WDR37: variants seen among roughly 807,000 people sequenced by gnomAD.
WDR37 encodes WD repeat domain 37.
Under a neutral mutation model 62.9 loss-of-function variants are expected in WDR37, and 19 were observed. The observed-to-expected ratio is 0.30, with a 90% CI of 0.21 to 0.44. The LOEUF is 0.44. WDR37 is among the 20% of genes least tolerant of loss of function. The probability of loss-of-function intolerance (pLI) is 1.00; values close to 1 mark genes in which losing one functional copy is unlikely to be tolerated. For synonymous variants in WDR37, 250 were observed against 260.9 expected (o/e 0.96, Z 0.40); for missense variants, 474 against 657.6 (o/e 0.72, Z 3.05).
At chr10:1,060,425 A>G (rs1247030693) in intron 1 of WDR37, among the ~76,000 whole-genome samples, 2 of 152,220 alleles carry the variant, frequency 1.3e-5, no homozygotes, top group Non-Finnish European at 2.9e-5. Context: ...TTGAATTTTT[A>G]GAGGGGACTA....
chr10:1,118,838 G>A (rs752213650), intron 11 of WDR37, among the ~76,000 whole-genome samples: 6 of 152,176 alleles, frequency 3.9e-5, no homozygotes, highest in Non-Finnish European at 8.8e-5. Context: ...CAGCCTGGGC[G>A]TTACTGTTTG....
At chr10:1,083,511 A>G (rs1173641189) in intron 5 of WDR37, among the ~76,000 whole-genome samples, 1 of 152,234 alleles carries the variant, frequency 6.6e-6, no homozygotes, top group Non-Finnish European at 1.5e-5. Context: ...TTCTTCACTT[A>G]GTTTTTTTGT....
intron 6 of WDR37, among the ~76,000 whole-genome samples, chr10:1,085,602 A>G (rs1420381721): frequency 6.6e-6 from 1 of 152,192 alleles, no homozygotes; most frequent in East Asian, 1.9e-4. Flanking sequence ...AGCTTGTGAG[A>G]CGTTAATCAC....
At chr10:1,100,750 G>A (rs912873448) in intron 9 of WDR37, among the ~76,000 whole-genome samples, 3 of 152,156 alleles carry the variant, frequency 2.0e-5, no homozygotes, top group Non-Finnish European at 2.9e-5. Context: ...GGTTCACCCC[G>A]TGGCTGCTCC....
chr10:1,068,114 G>A (rs1025816987), intron 1 of WDR37, among the ~76,000 whole-genome samples: 2 of 152,072 alleles, frequency 1.3e-5, no homozygotes, highest in African/African-American at 4.8e-5. Context: ...AGAGTTAAAA[G>A]GTACAAACAT....
intron 5 of WDR37, 35 bp downstream of exon 5, chr10:1,080,511 G>A (rs1486893577): frequency 3.1e-6 from 5 of 1,608,826 alleles, no homozygotes; most frequent in South Asian, 1.1e-5. Context: ...CCATCATGTG[G>A]TGGTTAAGGT....
At chr10:1,090,964 A>T (rs1834366709) in intron 7 of WDR37, among the ~76,000 whole-genome samples, 1 of 152,134 alleles carries the variant, frequency 6.6e-6, no homozygotes, top group Non-Finnish European at 1.5e-5. Context: ...TTGACCGTCC[A>T]CTATGGAAGG....
chr10:1,119,418 G>A (rs985177255), intron 11 of WDR37, among the ~76,000 whole-genome samples: 8 of 152,142 alleles, frequency 5.3e-5, no homozygotes, highest in South Asian at 4.2e-4. Flanking sequence ...ATTTTTGGCC[G>A]GATGAGGTGG....
At position 1,098,326 on chromosome 10, in the gene WDR37, G is replaced by T. The variant is rs1450000735; in HGVS notation, c.726+2080G>T. ...CTTTCTACCCCCTCCCCATCTGTCC[G>T]TTTTTTTTTTTTTTTTTTTGAGATG... On this transcript the variant is annotated intron_variant, in intron 9 of 13. Transcript: ENST00000263150. 3.7e-3 allele frequency among the ~76,000 whole-genome samples: 445 copies of T among 120,272 alleles called. 4 individuals carry two copies. The highest frequency in any genetic ancestry group is 6.5e-3 in the Non-Finnish European group (378 of 58,318). 78.9% of individuals were successfully genotyped at this position (120,272 alleles called of 152,430 possible). A position where few individuals can be genotyped will look rare whatever the true frequency, so the allele number is the denominator to read the frequency against.
At chr10:1,115,985 G>A (rs1835382319) in intron 11 of WDR37, among the ~76,000 whole-genome samples, 1 of 152,194 alleles carries the variant, frequency 6.6e-6, no homozygotes, top group African/African-American at 2.4e-5. Context: ...TTTTTAATTA[G>A]ATTACATTAG....
intron 1 of WDR37, among the ~76,000 whole-genome samples, chr10:1,067,995 C>T (rs1833605191): frequency 6.6e-6 from 1 of 152,104 alleles, no homozygotes; most frequent in African/African-American, 2.4e-5. Flanking sequence ...CTCATGTTCT[C>T]ACATGTGGGA....
chr10:1,079,566 ACT>A (rs1833966967), intron 3 of WDR37, among the ~76,000 whole-genome samples: 1 of 141,762 alleles, frequency 7.1e-6, no homozygotes, highest in Non-Finnish European at 1.6e-5. Context: ...ATGGAGTGTC[ACT>A]CTGTTGTCCA....
intron 1 of WDR37, among the ~76,000 whole-genome samples, chr10:1,057,435 A>T (rs1168714648): frequency 2.0e-5 from 3 of 152,146 alleles, no homozygotes; most frequent in Non-Finnish European, 4.4e-5. Context: ...CCCTTCAGAG[A>T]GGAGAATGGC....
intron 1 of WDR37, among the ~76,000 whole-genome samples, chr10:1,069,389 A>ATATATATTTTTTTTTTTTTTT: frequency 1.0e-5 from 1 of 95,804 alleles, no homozygotes; most frequent in African/African-American, 4.7e-5. Context: ...ATATATATAT[A>ATATATATTTTTTTTTTTTTTT]TTTTTTTTTT....
chr10:1,128,136 A>G (rs1027414009), intron 13 of WDR37, among the ~76,000 whole-genome samples: 1 of 152,104 alleles, frequency 6.6e-6, no homozygotes, highest in Non-Finnish European at 1.5e-5. Flanking sequence ...ATAAATAGCT[A>G]TTGTGGTTCT....
At chr10:1,095,720 G>A (rs1431206467) in intron 8 of WDR37, among the ~76,000 whole-genome samples, 1 of 152,200 alleles carries the variant, frequency 6.6e-6, no homozygotes, top group African/African-American at 2.4e-5. Flanking sequence ...GACGGGAGCC[G>A]CACACATGAG....
chr10:1,101,747 G>A (rs1311344134), intron 9 of WDR37, among the ~76,000 whole-genome samples: 3 of 152,252 alleles, frequency 2.0e-5, no homozygotes, highest in South Asian at 2.1e-4. Flanking sequence ...CACATGGCGG[G>A]AATGTTGTTC....
In WDR37 at chr10:1,080,490, T is replaced by A; in HGVS notation, c.396+14T>A. On this transcript the variant is annotated intron_variant, in intron 5 of 13. Transcript: ENST00000263150. Reference sequence around the variant, plus strand: ...TCCACCAGCAAGGTATGCAGGCCACTGGCTCTTGAGCCATCATGTGGTGGT... The same window carrying A: ...TCCACCAGCAAGGTATGCAGGCCACAGGCTCTTGAGCCATCATGTGGTGGT... 1.2e-6 allele frequency: 2 copies of A among 1,614,136 alleles called. No individual in the cohort carries two copies. Among genetic ancestry groups the A allele is most frequent in the Non-Finnish European group, 1.7e-6 (2 of 1,179,982 alleles).
chr10:1,090,778 C>T (rs541077997), intron 7 of WDR37, among the ~76,000 whole-genome samples: 7 of 152,244 alleles, frequency 4.6e-5, no homozygotes, highest in East Asian at 3.9e-4. Flanking sequence ...TAAATGTGCA[C>T]GTGATGGAAG....
Sources: gnomAD v4.1 joint callset for allele counts (sites outside exome capture counted in the v4.1 genomes callset) on GRCh38, gnomAD v4.1.1 for gene constraint, MANE v1.5 for transcripts, NCBI Gene and HGNC (gene_info 2026-07-23, HGNC 2026-07-21) for gene names.